The following NRXN1 variants were observed in gnomAD, a reference collection of about 807,000 sequenced individuals.
The protein encoded by NRXN1 is neurexin-1.
NRXN1 carries 39 observed loss-of-function variants against 150.9 expected under a neutral mutation model. The observed-to-expected ratio is 0.26, with a 90% confidence interval of 0.20 to 0.34. NRXN1 has a LOEUF of 0.34. Ranked by LOEUF, NRXN1 falls within the 10% of genes least tolerant of loss-of-function variation. NRXN1 has a pLI of 1.00. For missense variants in NRXN1, 1,815 were observed against 1,949.9 expected, an observed-to-expected ratio of 0.93 and a Z score of 1.30; for synonymous variants, 924 against 757.0, an observed-to-expected ratio of 1.22 and a Z score of -3.62.
intron 13 of NRXN1, among the ~76,000 whole-genome samples, chr2:50,504,140 T>TAAAAAAAAAAAAAA (rs70948715): frequency 8.9e-6 from 1 of 112,434 alleles, no homozygotes; most frequent in Non-Finnish European, 1.7e-5. Context: ...ACATGACAAC[T>TAAAAAAAAAAAAAA]AAAAAAAAAA....
intron 5 of NRXN1, among the ~76,000 whole-genome samples, chr2:50,746,606 T>A (rs1473011879): frequency 6.6e-6 from 1 of 151,822 alleles, no homozygotes; most frequent in Non-Finnish European, 1.5e-5. Context: ...AAAAATGTGG[T>A]CTGATTTTCA....
chr2:50,195,174 T>C (rs547804370), intron 18 of NRXN1, among the ~76,000 whole-genome samples: 1 of 152,298 alleles, frequency 6.6e-6, no homozygotes, highest in South Asian at 2.1e-4. Flanking sequence ...ATCATTCTTA[T>C]TCTGTATTCT....
At chr2:50,473,083 T>C (rs998095383) in intron 15 of NRXN1, among the ~76,000 whole-genome samples, 2 of 151,920 alleles carry the variant, frequency 1.3e-5, no homozygotes, top group Non-Finnish European at 2.9e-5. Flanking sequence ...GTCACTTCTA[T>C]ACTAGGCTGA....
intron 2 of NRXN1, among the ~76,000 whole-genome samples, chr2:51,022,292 G>A (rs1002571504): frequency 6.6e-6 from 1 of 152,074 alleles, no homozygotes; most frequent in Non-Finnish European, 1.5e-5. Context: ...GCACTAAGAA[G>A]TAAGCAGTAT....
chr2:51,009,000 G>A (rs188792438), intron 2 of NRXN1, among the ~76,000 whole-genome samples: 1 of 151,794 alleles, frequency 6.6e-6, no homozygotes, highest in Non-Finnish European at 1.5e-5. Flanking sequence ...TTTGTGGAAA[G>A]GCAAAAATTA....
At chr2:50,639,889 C>T (rs571113888) in intron 5 of NRXN1, among the ~76,000 whole-genome samples, 3 of 152,100 alleles carry the variant, frequency 2.0e-5, no homozygotes, top group African/African-American at 2.4e-5. Flanking sequence ...CTCAAATGTT[C>T]GAATATTCCT....
intron 21 of NRXN1, among the ~76,000 whole-genome samples, chr2:49,984,704 T>G (rs1476727600): frequency 7.6e-6 from 1 of 131,750 alleles, no homozygotes; most frequent in South Asian, 2.5e-4. Flanking sequence ...GACAAAGTCC[T>G]TTGAGAACAC....
chr2:50,964,125 A>G (rs929637025), intron 2 of NRXN1: 2 of 295,232 alleles, frequency 6.8e-6, no homozygotes, highest in Non-Finnish European at 1.4e-5. Context: ...AATCTTTGTC[A>G]TCTCAACTAT....
At chr2:50,002,059 A>C (rs767054885) in intron 21 of NRXN1, among the ~76,000 whole-genome samples, 2 of 151,904 alleles carry the variant, frequency 1.3e-5, no homozygotes, top group Non-Finnish European at 2.9e-5. Context: ...ACAACCATGC[A>C]AGCTTGCAAG....
intron 5 of NRXN1, among the ~76,000 whole-genome samples, chr2:50,785,769 C>T (rs936140957): frequency 7.2e-5 from 11 of 152,078 alleles, no homozygotes; most frequent in African/African-American, 9.7e-5. Flanking sequence ...GCAGAAGTCA[C>T]GTGGGTTCCC....
chr2:50,822,306 C>T (rs1218277694), intron 5 of NRXN1, among the ~76,000 whole-genome samples: 15 of 152,098 alleles, frequency 9.9e-5, no homozygotes, highest in African/African-American at 2.4e-4. Context: ...AAACAAGATA[C>T]GTTTCAAAGT....
chr2:50,148,955 A>G (rs1485061664), intron 18 of NRXN1, among the ~76,000 whole-genome samples: 3 of 151,662 alleles, frequency 2.0e-5, no homozygotes, highest in African/African-American at 7.3e-5. Flanking sequence ...TTAAATTTAC[A>G]GTGTGTATAA....
chr2:50,650,798 T>C (rs1424145298), intron 5 of NRXN1, among the ~76,000 whole-genome samples: 1 of 152,082 alleles, frequency 6.6e-6, no homozygotes, highest in East Asian at 1.9e-4. Flanking sequence ...AACTGTTGAC[T>C]TTTAAACCAA....
chr2:50,250,805 T>A (rs2066965155), intron 17 of NRXN1, among the ~76,000 whole-genome samples: 3 of 151,826 alleles, frequency 2.0e-5, no homozygotes, highest in Admixed American at 1.3e-4. Context: ...AAATTTAAAT[T>A]TAAGTACCGG....
chr2:50,120,465 A>T (rs989110), intron 18 of NRXN1, among the ~76,000 whole-genome samples: 7,651 of 152,250 alleles, frequency 0.05, 257 homozygotes, highest in Non-Finnish European at 0.079. Context: ...TTTAGGGATA[A>T]ACACATTAAT....
intron 17 of NRXN1, among the ~76,000 whole-genome samples, chr2:50,431,794 C>T (rs1029790625): frequency 2.0e-5 from 3 of 152,100 alleles, no homozygotes; most frequent in African/African-American, 7.2e-5. Flanking sequence ...GTCCTTTACA[C>T]AAAAAGTTTG....
chr2:50,117,445 A>C (rs1415952413), intron 18 of NRXN1, among the ~76,000 whole-genome samples: 1 of 152,166 alleles, frequency 6.6e-6, no homozygotes, highest in East Asian at 1.9e-4. Context: ...TACAGTCATA[A>C]ACTGTGAGTA....
At chr2:49,930,094 T>A (rs1669856764) in intron 22 of NRXN1, among the ~76,000 whole-genome samples, 1 of 152,182 alleles carries the variant, frequency 6.6e-6, no homozygotes, top group Non-Finnish European at 1.5e-5. Context: ...TCGAATGACC[T>A]TGAGGAAACA....
chr2:50,741,485 G>C (rs1699420925), intron 5 of NRXN1, among the ~76,000 whole-genome samples: 1 of 152,068 alleles, frequency 6.6e-6, no homozygotes, highest in South Asian at 2.1e-4. Flanking sequence ...ACTGTGCCCT[G>C]CAGAATGTAT....
Sources: allele counts gnomAD v4.1 joint callset (sites outside exome capture counted in the v4.1 genomes callset), GRCh38; gene constraint gnomAD v4.1.1; transcripts MANE v1.5; gene names NCBI Gene and HGNC (gene_info 2026-07-23, HGNC 2026-07-21).